Variants in VMP1 observed in about 807,000 individuals in gnomAD.
VMP1 encodes the protein vacuole membrane protein 1.
In VMP1, 11 loss-of-function variants were observed where a neutral mutation model predicts 56.0. The observed-to-expected ratio is 0.20, with a 90% CI of 0.12 to 0.32. The LOEUF is 0.32. VMP1 is among the 10% of genes least tolerant of loss of function. The pLI, the probability that VMP1 is intolerant of heterozygous loss-of-function variation, is 1.00. For missense variants in VMP1, 296 were observed against 490.3 expected, an observed-to-expected ratio of 0.60 and a Z score of 3.74; for synonymous variants, 149 against 165.0, an observed-to-expected ratio of 0.90 and a Z score of 0.74.
Position 59,839,909 on chromosome 17 carries a change from T to G in VMP1, c.1219T>G (p.Ter407GluextTer17). The stretch of plus-strand genomic sequence containing the variant: ...GTTGAACTCAGAGGAGAAAACTAAA[T>G]AAGTAGAGAAAGTTTTAAACTGCAG... Reference protein sequence around the residue: ...QRLNSEEKTK* With the variant: ...QRLNSEEKTKE The change falls in exon 12 of 12, where the codon TAA becomes GAA. Residue 407 changes from the stop codon to glutamate (E), a stop_lost. Coordinates refer to ENST00000262291, the MANE Select transcript of VMP1 (RefSeq NM_030938.5). 6.2e-7 allele frequency: 1 copy of G among 1,610,582 alleles called. No homozygotes were observed. Among genetic ancestry groups the G allele is most frequent in the Non-Finnish European group, 8.5e-7 (1 of 1,179,322 alleles).
At chr17:59,789,012 C>T (rs1438441854) in intron 7 of VMP1, among the ~76,000 whole-genome samples, 5 of 149,574 alleles carry the variant, frequency 3.3e-5, no homozygotes, top group Non-Finnish European at 7.4e-5. Flanking sequence ...CCTTTTGGGC[C>T]GGGCGCCATG....
At chr17:59,790,515 C>T (rs1248855510) in intron 7 of VMP1, among the ~76,000 whole-genome samples, 1 of 152,152 alleles carries the variant, frequency 6.6e-6, no homozygotes, top group Non-Finnish European at 1.5e-5. Flanking sequence ...TTTGGCCAGG[C>T]GTGGTGGCTC....
chr17:59,801,308 T>A (rs928922537), intron 7 of VMP1, among the ~76,000 whole-genome samples: 2 of 151,606 alleles, frequency 1.3e-5, no homozygotes, highest in Non-Finnish European at 2.9e-5. Flanking sequence ...TGCAGGGGTG[T>A]GATCACCGCC....
intron 1 of VMP1, among the ~76,000 whole-genome samples, chr17:59,716,774 G>A (rs2034168816): frequency 8.3e-6 from 1 of 120,144 alleles, no homozygotes; most frequent in Non-Finnish European, 2.1e-5. Flanking sequence ...CTACCCTTGT[G>A]CTAGTTGGAA....
intron 10 of VMP1, among the ~76,000 whole-genome samples, chr17:59,835,680 G>T (rs1368780290): frequency 2.0e-5 from 3 of 150,406 alleles, no homozygotes; most frequent in East Asian, 3.9e-4. Flanking sequence ...AGTAGAGACG[G>T]GTTTTCTCCA....
At chr17:59,715,936 T>C (rs964073665) in intron 1 of VMP1, among the ~76,000 whole-genome samples, 3 of 152,186 alleles carry the variant, frequency 2.0e-5, no homozygotes, top group African/African-American at 7.2e-5. Flanking sequence ...TGGCCTGTGT[T>C]ATTTAGGACT....
In VMP1 at chr17:59,794,995, C is replaced by CTTTTT. The variant is rs59397471; in HGVS notation, c.715-13786_715-13782dup. On this transcript the variant is annotated intron_variant, in intron 7 of 11. Coordinates refer to ENST00000262291, the MANE Select transcript of VMP1 (RefSeq NM_030938.5). ...GTTGGCACTAAAAGGCAGATTTGATCTTTTTTTTTTTTTTTTTTTGAGACG... is the reference window on the plus strand; with the variant it reads ...GTTGGCACTAAAAGGCAGATTTGATCTTTTTTTTTTTTTTTTTTTTTTTTGAGACG... Among the ~76,000 whole-genome samples the CTTTTT allele has an allele frequency of 1.7e-3, 200 of 121,126 alleles. 1 individual carries two copies. The highest frequency in any genetic ancestry group is 2.5e-3 in the Non-Finnish European group (149 of 60,626). 79.5% of individuals were successfully genotyped at this position (121,126 alleles called of 152,430 possible).
chr17:59,759,556 CTT>C (rs1448207087), intron 5 of VMP1, among the ~76,000 whole-genome samples: 1 of 152,130 alleles, frequency 6.6e-6, no homozygotes, highest in Non-Finnish European at 1.5e-5. Flanking sequence ...TGTTAATATT[CTT>C]TGTCATTAAA....
intron 9 of VMP1, among the ~76,000 whole-genome samples, chr17:59,813,394 A>G (rs749539049): frequency 3.1e-4 from 47 of 152,024 alleles, no homozygotes; most frequent in African/African-American, 6.3e-4. Context: ...CCTGACCAAC[A>G]TGGAGAAACC....
chr17:59,746,330 C>T (rs1472743684), intron 5 of VMP1, among the ~76,000 whole-genome samples: 1 of 152,148 alleles, frequency 6.6e-6, no homozygotes, highest in Non-Finnish European at 1.5e-5. Context: ...CACCGCCACA[C>T]CCAGCTAATT....
intron 7 of VMP1, among the ~76,000 whole-genome samples, chr17:59,795,928 C>T (rs1455165600): frequency 3.9e-5 from 6 of 152,226 alleles, no homozygotes; most frequent in African/African-American, 1.4e-4. Context: ...AAAAGATGAA[C>T]AAACTGCGAT....
At chr17:59,814,240 G>A (rs905061818) in intron 9 of VMP1, among the ~76,000 whole-genome samples, 4 of 152,198 alleles carry the variant, frequency 2.6e-5, no homozygotes, top group Non-Finnish European at 4.4e-5. Flanking sequence ...GCCTCCCAAA[G>A]TGCTGGGATT....
intron 9 of VMP1, among the ~76,000 whole-genome samples, chr17:59,814,794 TGAGTTCCTTCACTA>T: frequency 6.6e-6 from 1 of 152,210 alleles, no homozygotes; most frequent in African/African-American, 2.4e-5. Flanking sequence ...GGAAAGAATC[TGAGTTCCTTCACTA>T]AACTAAGACC....
chr17:59,827,068 C>G (rs2038665981), intron 10 of VMP1, among the ~76,000 whole-genome samples: 1 of 152,154 alleles, frequency 6.6e-6, no homozygotes, highest in African/African-American at 2.4e-5. Flanking sequence ...ATTTTTTCCC[C>G]TCTCCCAGCA....
intron 1 of VMP1, among the ~76,000 whole-genome samples, chr17:59,714,112 G>A (rs1204779413): frequency 1.3e-5 from 2 of 149,384 alleles, no homozygotes; most frequent in Non-Finnish European, 3.0e-5. Context: ...CAGAATACCC[G>A]AAACTGGGTA....
At chr17:59,760,959 G>A (rs1030258247) in intron 5 of VMP1, among the ~76,000 whole-genome samples, 11 of 151,542 alleles carry the variant, frequency 7.3e-5, no homozygotes, top group Admixed American at 5.3e-4. Flanking sequence ...CTGGCATGCA[G>A]TGTTGAGATC....
chr17:59,817,839 G>C (rs747845635), intron 10 of VMP1, 66 bp downstream of exon 10: 187 of 1,254,848 alleles, frequency 1.5e-4, no homozygotes, highest in Non-Finnish European at 2.0e-4. Flanking sequence ...ATGTGTACAA[G>C]ACTGAATTGA....
At chr17:59,709,371 T>C (rs2033818067) in intron 1 of VMP1, among the ~76,000 whole-genome samples, 1 of 152,226 alleles carries the variant, frequency 6.6e-6, no homozygotes, top group Non-Finnish European at 1.5e-5. Context: ...TATTAAACTT[T>C]AAATCAGAAG....
chr17:59,830,764 C>A (rs1396569086), intron 10 of VMP1, among the ~76,000 whole-genome samples: 1 of 152,206 alleles, frequency 6.6e-6, no homozygotes, highest in African/African-American at 2.4e-5. Flanking sequence ...TTAGAGACTT[C>A]AACTGCTTAG....
Sources: gnomAD v4.1 joint callset for allele counts (sites outside exome capture counted in the v4.1 genomes callset) on GRCh38, gnomAD v4.1.1 for gene constraint, MANE v1.5 for transcripts, NCBI Gene and HGNC (gene_info 2026-07-23, HGNC 2026-07-21) for gene names.